Variants in AEBP2 observed in about 807,000 individuals in gnomAD.
The protein encoded by AEBP2 is zinc finger protein AEBP2.
AEBP2 carries 10 observed loss-of-function variants against 50.8 expected under a neutral mutation model. The observed-to-expected ratio is 0.20, with a 90% CI of 0.12 to 0.33. The LOEUF is 0.33. Ranked by LOEUF, AEBP2 falls within the 10% of genes least tolerant of loss-of-function variation. The probability of loss-of-function intolerance (pLI) is 1.00; values close to 1 mark genes in which losing one functional copy is unlikely to be tolerated. For missense variants in AEBP2, 570 were observed against 688.0 expected, an observed-to-expected ratio of 0.83 and a Z score of 1.92; for synonymous variants, 296 against 261.3, an observed-to-expected ratio of 1.13 and a Z score of -1.28.
chr12:19,409,516 A>ACAC (rs1300390478), intron 1 of AEBP2, among the ~76,000 whole-genome samples: 9 of 152,218 alleles, frequency 5.9e-5, no homozygotes, highest in Admixed American at 5.9e-4. Context: ...GAAAACTGTG[A>ACAC]AATCACTTTG....
chr12:19,513,794 A>C (rs12816344), intron 6 of AEBP2, among the ~76,000 whole-genome samples: 1 of 151,790 alleles, frequency 6.6e-6, no homozygotes, highest in Non-Finnish European at 1.5e-5. Flanking sequence ...GTATATTCCT[A>C]ATGTTTTGGA....
chr12:19,440,687 G>GAGC (rs1320116443), intron 1 of AEBP2: 2 of 1,533,318 alleles, frequency 1.3e-6, no homozygotes. Context: ...TCCTCTGGCG[G>GAGC]AGCAGAAGAG....
intron 1 of AEBP2, among the ~76,000 whole-genome samples, chr12:19,448,872 G>A (rs1432058413): frequency 6.6e-6 from 1 of 151,956 alleles, no homozygotes; most frequent in Non-Finnish European, 1.5e-5. Flanking sequence ...TAGAGATGGG[G>A]TCTCCGTGTG....
intron 2 of AEBP2, among the ~76,000 whole-genome samples, 166 bp downstream of exon 2, chr12:19,462,883 C>T (rs534082610): frequency 6.6e-6 from 1 of 152,142 alleles, no homozygotes; most frequent in South Asian, 2.1e-4. Flanking sequence ...TTGATAGAAT[C>T]AAATAAAAAT....
chr12:19,452,961 C>CTTTTTTTTTTT (rs34876719), intron 1 of AEBP2, among the ~76,000 whole-genome samples: 1 of 106,898 alleles, frequency 9.4e-6, no homozygotes, highest in Non-Finnish European at 1.8e-5. Context: ...GACTTACGTT[C>CTTTTTTTTTTT]TTTTTTTTTT....
At chr12:19,485,799 A>C (rs1948799577) in intron 3 of AEBP2, among the ~76,000 whole-genome samples, 1 of 151,870 alleles carries the variant, frequency 6.6e-6, no homozygotes, top group South Asian at 2.1e-4. Flanking sequence ...TAAATAATGA[A>C]ATGTAAGTTC....
At chr12:19,421,739 T>C (rs1190389390) in intron 1 of AEBP2, among the ~76,000 whole-genome samples, 9 of 152,248 alleles carry the variant, frequency 5.9e-5, no homozygotes, top group Admixed American at 4.6e-4. Flanking sequence ...TTGTTGTTCC[T>C]GTAGTTAGTT....
intron 4 of AEBP2, among the ~76,000 whole-genome samples, chr12:19,496,747 G>C (rs1434687111): frequency 6.8e-6 from 1 of 147,970 alleles, no homozygotes; most frequent in African/African-American, 2.5e-5. Flanking sequence ...CTGCAGCCTC[G>C]ACCTCCTGGG....
At chr12:19,453,685 A>G (rs1948208468) in intron 1 of AEBP2, among the ~76,000 whole-genome samples, 2 of 152,236 alleles carry the variant, frequency 1.3e-5, no homozygotes, top group South Asian at 2.1e-4. Context: ...TGGCCTCCCA[A>G]AGTGCTGGGA....
At chr12:19,487,962 T>C (rs1459267010) in intron 3 of AEBP2, among the ~76,000 whole-genome samples, 2 of 152,070 alleles carry the variant, frequency 1.3e-5, no homozygotes, top group Admixed American at 6.6e-5. Flanking sequence ...TCAGAAAGAA[T>C]TATAGCAAAG....
chr12:19,445,847 A>G (rs1948052966), intron 1 of AEBP2: 1 of 152,178 alleles, frequency 6.6e-6, no homozygotes, highest in Non-Finnish European at 1.5e-5. Flanking sequence ...TTCATTTTAA[A>G]TTGTTTTTAA....
chr12:19,502,494 C>T (rs1019323647), intron 5 of AEBP2, among the ~76,000 whole-genome samples: 11 of 152,106 alleles, frequency 7.2e-5, no homozygotes, highest in African/African-American at 2.2e-4. Flanking sequence ...CATTCTTTGG[C>T]ATATGGTTAG....
chr12:19,444,498 C>A (rs534948429), intron 1 of AEBP2, among the ~76,000 whole-genome samples: 1 of 152,116 alleles, frequency 6.6e-6, no homozygotes, highest in Non-Finnish European at 1.5e-5. Context: ...TTTGGGAGGC[C>A]GAGGAGGGCA....
intron 1 of AEBP2, among the ~76,000 whole-genome samples, chr12:19,453,544 C>T (rs1184395248): frequency 6.6e-6 from 1 of 152,072 alleles, no homozygotes; most frequent in Non-Finnish European, 1.5e-5. Context: ...CTGCCTCAGC[C>T]TCCTGTGTAG....
intron 5 of AEBP2, among the ~76,000 whole-genome samples, chr12:19,506,185 C>G (rs1949154084): frequency 6.6e-6 from 1 of 152,088 alleles, no homozygotes; most frequent in Non-Finnish European, 1.5e-5. Context: ...CAACCTCTGC[C>G]TCCCAGGTTC....
chr12:19,435,772 G>A (rs1355106498), upstream of AEBP2, among the ~76,000 whole-genome samples: 2 of 152,014 alleles, frequency 1.3e-5, no homozygotes, highest in Non-Finnish European at 2.9e-5. Flanking sequence ...ACACTTTGTC[G>A]AAATCCTACA....
At chr12:19,481,850 A>C (rs890406806) in intron 3 of AEBP2, among the ~76,000 whole-genome samples, 1 of 151,604 alleles carries the variant, frequency 6.6e-6, no homozygotes, top group African/African-American at 2.4e-5. Context: ...TCTTTATGAT[A>C]TTTTTTCTCT....
At chr12:19,469,686 A>G (rs1948541465) in intron 2 of AEBP2, among the ~76,000 whole-genome samples, 1 of 152,196 alleles carries the variant, frequency 6.6e-6, no homozygotes, top group Non-Finnish European at 1.5e-5. Context: ...TCTTCTAGCC[A>G]TCATCTTGCC....
At chr12:19,473,063 G>A (rs1388428926) in intron 2 of AEBP2, among the ~76,000 whole-genome samples, 185 bp from the exon 3 acceptor site, 1 of 152,026 alleles carries the variant, frequency 6.6e-6, no homozygotes, top group East Asian at 1.9e-4. Context: ...GTGGACAGTA[G>A]CATTAAGGGT....
Sources: gnomAD v4.1 joint callset for allele counts (sites outside exome capture counted in the v4.1 genomes callset) on GRCh38, gnomAD v4.1.1 for gene constraint, MANE v1.5 for transcripts, NCBI Gene and HGNC (gene_info 2026-07-23, HGNC 2026-07-21) for gene names.